Variants in SHANK2 observed in about 807,000 individuals in gnomAD.
SHANK2 encodes the protein SH3 and multiple ankyrin repeat domains protein 2.
Under a neutral mutation model 133.7 loss-of-function variants are expected in SHANK2, and 43 were observed. The observed-to-expected ratio is 0.32, with a 90% confidence interval of 0.25 to 0.41. The LOEUF (loss-of-function observed/expected upper bound fraction) is 0.41. Ranked by LOEUF, SHANK2 falls within the 10% of genes least tolerant of loss-of-function variation. The probability of loss-of-function intolerance (pLI) is 1.00; values close to 1 mark genes in which losing one functional copy is unlikely to be tolerated. For synonymous variants in SHANK2, 1,017 were observed against 952.8 expected (o/e 1.07, Z -1.24); for missense variants, 1,994 against 2,235.8 (o/e 0.89, Z 2.18).
chr11:70,608,412 C>T (rs1030732032), intron 17 of SHANK2, among the ~76,000 whole-genome samples: 3 of 152,166 alleles, frequency 2.0e-5, no homozygotes, highest in Non-Finnish European at 4.4e-5. Flanking sequence ...CTTTTTCTCT[C>T]GAACACCCCA....
chr11:71,204,539 G>T (rs782360811), intron 2 of SHANK2, among the ~76,000 whole-genome samples: 2 of 152,150 alleles, frequency 1.3e-5, no homozygotes, highest in Non-Finnish European at 2.9e-5. Flanking sequence ...TGAAGGCTGC[G>T]GCAAGGGACT....
intron 17 of SHANK2, among the ~76,000 whole-genome samples, chr11:70,607,873 C>G (rs116248911): frequency 0.014 from 2,192 of 152,360 alleles, 60 homozygotes; most frequent in African/African-American, 0.05. Context: ...TATTCTGTCT[C>G]TTGGACAACA....
intron 17 of SHANK2, among the ~76,000 whole-genome samples, chr11:70,637,110 T>C (rs1174465552): frequency 6.6e-6 from 1 of 151,988 alleles, no homozygotes; most frequent in Non-Finnish European, 1.5e-5. Context: ...CCTGTGTGTA[T>C]GTGCACGTGT....
intron 2 of SHANK2, among the ~76,000 whole-genome samples, chr11:71,215,151 T>C (rs1954379663): frequency 6.6e-6 from 1 of 152,164 alleles, no homozygotes; most frequent in South Asian, 2.1e-4. Context: ...CCCCTCGTGA[T>C]AGTGCAGCTT....
intron 7 of SHANK2, among the ~76,000 whole-genome samples, chr11:71,093,067 G>T (rs531218150): frequency 6.0e-4 from 88 of 145,630 alleles, no homozygotes; most frequent in African/African-American, 2.2e-3. Context: ...GGGGGGGCAG[G>T]TATAACTTTA....
intron 8 of SHANK2, among the ~76,000 whole-genome samples, chr11:71,087,631 T>C (rs1951436288): frequency 1.3e-5 from 2 of 151,730 alleles, no homozygotes; most frequent in Admixed American, 6.6e-5. Context: ...GCTGGTTTTG[T>C]TGTTGTTGTT....
chr11:71,209,432 G>T (rs190994098), intron 2 of SHANK2, among the ~76,000 whole-genome samples: 2 of 152,340 alleles, frequency 1.3e-5, no homozygotes, highest in East Asian at 3.9e-4. Flanking sequence ...CAGCCAAGCA[G>T]GTGTGGAGGG....
intron 14 of SHANK2, chr11:70,705,905 TAG>T (rs34490748): frequency 0.35 from 53,884 of 152,150 alleles, 10,506 homozygotes; most frequent in Non-Finnish European, 0.45. Context: ...ACACATTCTA[TAG>T]AGACAATAGA....
At chr11:70,797,622 C>T (rs1460643442) in intron 14 of SHANK2, among the ~76,000 whole-genome samples, 1 of 152,190 alleles carries the variant, frequency 6.6e-6, no homozygotes, top group Non-Finnish European at 1.5e-5. Context: ...GACTAGGAAC[C>T]TCAAAAACAG....
At position 71,182,012 on chromosome 11, in the gene SHANK2, C is replaced by A. The variant is rs186431057; in HGVS notation, c.-12-34674G>T. On this transcript the variant is annotated intron_variant, in intron 2 of 25. Transcript: ENST00000601538. Reference sequence around the variant, plus strand: ...CCCTGGCAGGGGGTCCCTCTCTATCCCTGTCTCCCCCTCATAGAGGATGGC... The same window carrying A: ...CCCTGGCAGGGGGTCCCTCTCTATCACTGTCTCCCCCTCATAGAGGATGGC... 6.8e-4 allele frequency among the ~76,000 whole-genome samples: 103 copies of A among 152,298 alleles called. 1 individual carries two copies. Among genetic ancestry groups the A allele is most frequent in the Admixed American group, 4.2e-3 (65 of 15,304 alleles).
At position 70,885,740 on chromosome 11, in the gene SHANK2, G is replaced by A. The variant is rs144523402; in HGVS notation, c.1174+10761C>T. On this transcript the variant is annotated intron_variant, in intron 11 of 25. Transcript: ENST00000601538. ...CGGGAGCACCATGTACACAGCATTCGGGGCAGGCCACACAAGACGGCTGAT... is the reference window on the plus strand; with the variant it reads ...CGGGAGCACCATGTACACAGCATTCAGGGCAGGCCACACAAGACGGCTGAT... Among the ~76,000 whole-genome samples the A allele has an allele frequency of 4.3e-3, 652 of 152,252 alleles. 3 individuals carry two copies. The highest frequency in any genetic ancestry group is 0.01 in the Middle Eastern group (3 of 294).
At chr11:70,716,903 C>T (rs1029600396) in intron 14 of SHANK2, among the ~76,000 whole-genome samples, 7 of 150,926 alleles carry the variant, frequency 4.6e-5, no homozygotes, top group East Asian at 3.9e-4. Context: ...GAGCCCCCCC[C>T]CCGCCCAACT....
chr11:71,177,907 T>C (rs901429739), intron 2 of SHANK2, among the ~76,000 whole-genome samples: 1 of 152,104 alleles, frequency 6.6e-6, no homozygotes, highest in Non-Finnish European at 1.5e-5. Context: ...ATAACAATAA[T>C]GATAATAATA....
intron 17 of SHANK2, among the ~76,000 whole-genome samples, chr11:70,578,527 C>T (rs2060145300): frequency 6.6e-6 from 1 of 152,176 alleles, no homozygotes; most frequent in Non-Finnish European, 1.5e-5. Context: ...CTCCGGAGGC[C>T]CACATCCTTC....
Position 70,746,296 on chromosome 11 carries a change from G to A in SHANK2, c.1778-47533C>T, listed in dbSNP as rs1297788239. Among the ~76,000 whole-genome samples the A allele has an allele frequency of 2.0e-5, 3 of 152,088 alleles. No homozygotes were observed. In the East Asian group the frequency reaches 5.8e-4, roughly 29 times the overall value. On this transcript the variant is annotated intron_variant, in intron 14 of 25. Transcript: ENST00000601538. ...GGAAGGCTGGGCCTCCCTTCAGGGT[G>A]GGGGATGCGGGCTGCCCCATGCTCA...
intron 15 of SHANK2, among the ~76,000 whole-genome samples, chr11:70,664,149 A>T (rs1363676595): frequency 6.6e-6 from 1 of 152,142 alleles, no homozygotes; most frequent in Non-Finnish European, 1.5e-5. Flanking sequence ...TGAGGCATTG[A>T]TGAGCAGACC....
chr11:70,728,562 G>A (rs1437328645), intron 14 of SHANK2, among the ~76,000 whole-genome samples: 1 of 152,210 alleles, frequency 6.6e-6, no homozygotes, highest in African/African-American at 2.4e-5. Context: ...ACGGGGCTGG[G>A]CTTTTTGAGT....
intron 2 of SHANK2, among the ~76,000 whole-genome samples, chr11:71,177,766 T>C (rs1217758374): frequency 1.3e-5 from 2 of 152,192 alleles, no homozygotes; most frequent in African/African-American, 4.8e-5. Context: ...AGAATTTGAA[T>C]AGACATTTCT....
At chr11:71,103,197 C>T (rs1951746606) in intron 6 of SHANK2, among the ~76,000 whole-genome samples, 1 of 152,208 alleles carries the variant, frequency 6.6e-6, no homozygotes, top group Admixed American at 6.5e-5. Context: ...GTTGGGCTCT[C>T]AGAGCTTCAG....
Sources: allele counts gnomAD v4.1 joint callset (sites outside exome capture counted in the v4.1 genomes callset), GRCh38; gene constraint gnomAD v4.1.1; transcripts MANE v1.5; gene names NCBI Gene and HGNC (gene_info 2026-07-23, HGNC 2026-07-21).